Variants in CLASP2 observed in about 807,000 individuals in gnomAD.
The protein encoded by CLASP2 is CLIP-associating protein 2.
In CLASP2, 47 loss-of-function variants were observed where a neutral mutation model predicts 194.4. The observed-to-expected ratio is 0.24, with a 90% confidence interval of 0.19 to 0.31. CLASP2 has a LOEUF of 0.31. Among genes scored for constraint, CLASP2 ranks in the 10% least tolerant of loss-of-function variants. CLASP2 has a pLI of 1.00. For synonymous variants in CLASP2, 619 were observed against 633.5 expected (o/e 0.98, Z 0.34); for missense variants, 1,445 against 1,823.6 (o/e 0.79, Z 3.78).
At chr3:33,519,821 G>C (rs2052463007) in intron 34 of CLASP2, among the ~76,000 whole-genome samples, 1 of 152,110 alleles carries the variant, frequency 6.6e-6, no homozygotes, top group South Asian at 2.1e-4. Flanking sequence ...ATTAGACTAT[G>C]ATGAAGTAGT....
At position 33,496,452 on chromosome 3, in the gene CLASP2, G is replaced by C. The variant is rs1335879879; in HGVS notation, c.*2179C>G. On this transcript the variant is annotated 3_prime_UTR_variant, in exon 39 of 39. Transcript: ENST00000682230. Reference sequence around the variant, plus strand: ...TTGTATATAGTGATTTAAATAATCAGCTTTCTTATAGTCTTATCAACTGAG... The same window carrying C: ...TTGTATATAGTGATTTAAATAATCACCTTTCTTATAGTCTTATCAACTGAG... The C allele has an allele frequency of 6.6e-6, 1 of 152,104 alleles. No homozygotes were observed. The highest frequency in any genetic ancestry group is 1.5e-5 in the Non-Finnish European group (1 of 68,006). The allele number at this position is 152,104 out of a possible 1,614,324, so 9.4% of individuals were successfully genotyped here.
At position 33,588,832 on chromosome 3, in the gene CLASP2, G is replaced by C. The variant is rs897098187; in HGVS notation, c.2068+3563C>G. 10 of 665,372 alleles carry C rather than the reference G, an allele frequency of 1.5e-5. No individual in the cohort carries two copies. In the South Asian group the frequency reaches 1.7e-4, roughly 11 times the overall value. The allele number at this position is 665,372 out of a possible 1,614,324, so 41.2% of individuals were successfully genotyped here. On this transcript the variant is annotated intron_variant, in intron 21 of 38. Coordinates refer to ENST00000682230, the MANE Select transcript of CLASP2 (RefSeq NM_001365631.1). ...GGCAGATGGAAATAAGAAAGCTTTA[G>C]TCAGTTCTCAGAAAATTAAAAAACC...
At chr3:33,541,270 A>C (rs1225505673) in intron 32 of CLASP2, among the ~76,000 whole-genome samples, 1 of 152,198 alleles carries the variant, frequency 6.6e-6, no homozygotes, top group Non-Finnish European at 1.5e-5. Context: ...GACTGGATAA[A>C]GAAAATGTGG....
At chr3:33,632,246 C>A in intron 9 of CLASP2, 46 bp downstream of exon 9, 1 of 1,182,296 alleles carries the variant, frequency 8.5e-7, no homozygotes, top group South Asian at 1.6e-5. Context: ...ATTATATGAA[C>A]AGGCACACAG....
At chr3:33,573,392 A>G (rs930612066) in intron 24 of CLASP2, 38 bp from the exon 25 acceptor site, 8 of 1,601,130 alleles carry the variant, frequency 5.0e-6, no homozygotes, top group Non-Finnish European at 5.1e-6. Context: ...AGTAGCCAAA[A>G]GAATATATTG....
intron 23 of CLASP2, among the ~76,000 whole-genome samples, chr3:33,581,032 G>GAA (rs1363680403): frequency 7.3e-6 from 1 of 137,388 alleles, no homozygotes; most frequent in Non-Finnish European, 1.5e-5. Context: ...AAAAAAAAAA[G>GAA]AAAGAAAGAA....
intron 12 of CLASP2, among the ~76,000 whole-genome samples, chr3:33,618,249 G>A (rs1046559297): frequency 1.3e-5 from 2 of 151,978 alleles, no homozygotes; most frequent in Admixed American, 6.6e-5. Flanking sequence ...CGCCCGGCCT[G>A]GTGAGGATAA....
intron 18 of CLASP2, among the ~76,000 whole-genome samples, chr3:33,599,109 T>TTATA (rs2071305419): frequency 1.7e-5 from 1 of 59,732 alleles, no homozygotes; most frequent in Non-Finnish European, 2.7e-5. Flanking sequence ...GTTGTCTTAT[T>TTATA]TATTTATTTA....
chr3:33,520,589 G>C (rs911595700), intron 34 of CLASP2, among the ~76,000 whole-genome samples: 14 of 152,132 alleles, frequency 9.2e-5, no homozygotes, highest in African/African-American at 3.1e-4. Context: ...AGCCTAGCAG[G>C]ATGAGGAGTA....
chr3:33,560,668 G>T, intron 28 of CLASP2, 140 bp downstream of exon 28: 1 of 679,578 alleles, frequency 1.5e-6, no homozygotes. Context: ...CAATATGAAT[G>T]GGCATAATTA....
At chr3:33,537,578 A>G (rs1294558576) in intron 33 of CLASP2, among the ~76,000 whole-genome samples, 1 of 152,240 alleles carries the variant, frequency 6.6e-6, no homozygotes, top group Non-Finnish European at 1.5e-5. Context: ...TGGCAGAAGC[A>G]ATAAACAATA....
intron 17 of CLASP2, among the ~76,000 whole-genome samples, chr3:33,603,410 T>C (rs542151872): frequency 6.6e-6 from 1 of 152,274 alleles, no homozygotes; most frequent in Non-Finnish European, 1.5e-5. Context: ...GTTTTGTAGA[T>C]GAAGAGATGA....
chr3:33,651,256 G>A (rs370173788), intron 7 of CLASP2, among the ~76,000 whole-genome samples: 1 of 151,946 alleles, frequency 6.6e-6, no homozygotes, highest in Admixed American at 6.6e-5. Context: ...GGTGGCGCAT[G>A]CCTGTAATCC....
intron 7 of CLASP2, among the ~76,000 whole-genome samples, chr3:33,649,582 T>C (rs898440541): frequency 1.3e-5 from 2 of 152,154 alleles, no homozygotes; most frequent in African/African-American, 4.8e-5. Context: ...TATAATATAG[T>C]AAAAAATACA....
chr3:33,628,787 A>T (rs2078520231), intron 9 of CLASP2, among the ~76,000 whole-genome samples: 1 of 152,104 alleles, frequency 6.6e-6, no homozygotes, highest in Non-Finnish European at 1.5e-5. Context: ...GAGGTGACTC[A>T]GTAAGAAAAT....
chr3:33,543,498 T>G lies in CLASP2; in HGVS notation c.3339A>C (p.Ser1113=). ...GSPLTRPTPR[S]PANWSSPLTS... is the part of the protein sequence containing the mutation. Reference sequence around the variant, plus strand: ...TAAGAGGACTGGACCAGTTAGCTGGTGATCGTGGTGTTGGTCTTGTCAAAG... The same window carrying G: ...TAAGAGGACTGGACCAGTTAGCTGGGGATCGTGGTGTTGGTCTTGTCAAAG... Residue 1113 remains serine (S), a synonymous_variant, in exon 32 of 39, where the codon TCA becomes TCC. Coordinates refer to ENST00000682230, the MANE Select transcript of CLASP2 (RefSeq NM_001365631.1). The G allele has an allele frequency of 1.9e-6, 3 of 1,613,622 alleles. No individual in the cohort carries two copies. The South Asian group carries it at 3.3e-5, about 18-fold the overall frequency.
intron 6 of CLASP2, among the ~76,000 whole-genome samples, chr3:33,674,777 T>C (rs903420977): frequency 6.6e-6 from 1 of 151,988 alleles, no homozygotes; most frequent in South Asian, 2.1e-4. Flanking sequence ...CCCACAGAAA[T>C]ACAAACTACC....
intron 7 of CLASP2, among the ~76,000 whole-genome samples, chr3:33,656,998 C>T (rs532673911): frequency 6.6e-6 from 1 of 152,162 alleles, no homozygotes; most frequent in African/African-American, 2.4e-5. Flanking sequence ...AAAGTGTTCT[C>T]CTCTGTTTAC....
chr3:33,559,723 C>T (rs930321911), intron 28 of CLASP2, among the ~76,000 whole-genome samples: 5 of 152,012 alleles, frequency 3.3e-5, no homozygotes. Flanking sequence ...GGAGAAACCC[C>T]GTCTCTATTA....
Sources: gnomAD v4.1 joint callset for allele counts (sites outside exome capture counted in the v4.1 genomes callset) on GRCh38, gnomAD v4.1.1 for gene constraint, MANE v1.5 for transcripts, NCBI Gene and HGNC (gene_info 2026-07-23, HGNC 2026-07-21) for gene names.